The following HTR2C variants were observed in gnomAD, a reference collection of about 807,000 sequenced individuals.
HTR2C encodes the protein 5-hydroxytryptamine receptor 2C, also known as 5-hydroxytryptamine (serotonin) receptor 2C, G protein-coupled.
Under a neutral mutation model 21.0 loss-of-function variants are expected in HTR2C, and 5 were observed. The observed-to-expected ratio is 0.24, with a 90% CI of 0.12 to 0.50. HTR2C has a LOEUF of 0.50. Ranked by LOEUF, HTR2C falls within the 20% of genes least tolerant of loss-of-function variation. HTR2C has a pLI of 0.98. For missense variants in HTR2C, 271 were observed against 371.2 expected, an observed-to-expected ratio of 0.73 and a Z score of 2.22; for synonymous variants, 150 against 145.3, an observed-to-expected ratio of 1.03 and a Z score of -0.23.
At chrX:114,857,729 A>AT (rs1556471475) in intron 5 of HTR2C, among the ~76,000 whole-genome samples, 5 of 110,508 alleles carry the variant, frequency 4.5e-5, no homozygotes, top group African/African-American at 1.6e-4. Context: ...ATGGCCAGTG[A>AT]TTTTTTATCC....
intron 5 of HTR2C, among the ~76,000 whole-genome samples, chrX:114,860,575 C>T (rs782398124): frequency 8.3e-5 from 9 of 108,698 alleles, no homozygotes; most frequent in Non-Finnish European, 1.5e-4. Context: ...GTTTTTAAAC[C>T]ACTTAAACGA....
At position 114,907,604 on chromosome X, in the gene HTR2C, G is replaced by A. The variant is rs200336118; in HGVS notation, c.*189G>A. 16 of 348,026 alleles carry A rather than the reference G, an allele frequency of 4.6e-5. No homozygotes were observed. Among genetic ancestry groups the A allele is most frequent in the Non-Finnish European group, 6.0e-5 (12 of 201,346 alleles). The allele number at this position is 348,026 out of a possible 1,213,427, so 28.7% of individuals were successfully genotyped here. A position where few individuals can be genotyped will look rare whatever the true frequency, so the allele number is the denominator to read the frequency against. ...TGAGATTTAGGGTTCTATATTTACTGTTTATAATAGGTGGAGACTAACTTA... is the reference window on the plus strand; with the variant it reads ...TGAGATTTAGGGTTCTATATTTACTATTTATAATAGGTGGAGACTAACTTA... On this transcript the variant is annotated 3_prime_UTR_variant, in exon 6 of 6. Coordinates refer to ENST00000276198, the MANE Select transcript of HTR2C (RefSeq NM_000868.4).
intron 5 of HTR2C, among the ~76,000 whole-genome samples, chrX:114,888,811 G>C (rs782025827): frequency 8.9e-6 from 1 of 111,948 alleles, no homozygotes; most frequent in South Asian, 3.7e-4. Flanking sequence ...AGTTCTTCAC[G>C]TGGTCATGCC....
chrX:114,839,918 A>G (rs1307041991), intron 4 of HTR2C, among the ~76,000 whole-genome samples: 1 of 110,635 alleles, frequency 9.0e-6, no homozygotes, highest in Admixed American at 9.7e-5. Context: ...AGAAATGATA[A>G]ATGAACTGAA....
intron 4 of HTR2C, among the ~76,000 whole-genome samples, chrX:114,752,549 A>T (rs2147368780): frequency 9.0e-6 from 1 of 111,571 alleles, no homozygotes; most frequent in Non-Finnish European, 1.9e-5. Context: ...GAAGACTATC[A>T]TAAACAAAGA....
intron 3 of HTR2C, among the ~76,000 whole-genome samples, chrX:114,730,985 C>A (rs1338779638): frequency 1.8e-5 from 2 of 111,248 alleles, no homozygotes; most frequent in East Asian, 5.7e-4. Flanking sequence ...TTCTCATCTA[C>A]GTGATGGATA....
At chrX:114,729,147 C>T (rs1362964050) in intron 3 of HTR2C, among the ~76,000 whole-genome samples, 4 of 111,617 alleles carry the variant, frequency 3.6e-5, no homozygotes, top group Non-Finnish European at 5.7e-5. Flanking sequence ...TTTTTGAGTC[C>T]AGTTCTTCAC....
chrX:114,706,126 CA>C (rs1269227356), intron 2 of HTR2C, among the ~76,000 whole-genome samples: 1 of 35,098 alleles, frequency 2.8e-5, no homozygotes, highest in Non-Finnish European at 5.5e-5. Context: ...TAAACTAGTT[CA>C]ACCATTGTGG....
chrX:114,701,841 T>A (rs1420050323), intron 2 of HTR2C, among the ~76,000 whole-genome samples: 3 of 111,466 alleles, frequency 2.7e-5, no homozygotes, highest in Admixed American at 1.9e-4. Context: ...ATAACTAGAA[T>A]AACCAATACA....
At chrX:114,890,803 G>A (rs1352525188) in intron 5 of HTR2C, among the ~76,000 whole-genome samples, 1 of 111,632 alleles carries the variant, frequency 9.0e-6, no homozygotes, top group African/African-American at 3.2e-5. Context: ...AGACTGTGAT[G>A]TTTGTAGGTG....
Position 114,822,095 on chromosome X carries a change from C to T in HTR2C, c.350-25908C>T, listed in dbSNP as rs782145225. Among the ~76,000 whole-genome samples, 3 of 110,866 alleles carry T rather than the reference C, an allele frequency of 2.7e-5. No individual in the cohort carries two copies. The South Asian group carries it at 1.2e-3, about 43-fold the overall frequency. On this transcript the variant is annotated intron_variant, in intron 4 of 5. Coordinates refer to ENST00000276198, the MANE Select transcript of HTR2C (RefSeq NM_000868.4). ...CTCCTGACCTCAGGTGATCCACCCACTTTGGCCTCCTAAAGTGCTGGGATT... is the reference window on the plus strand; with the variant it reads ...CTCCTGACCTCAGGTGATCCACCCATTTTGGCCTCCTAAAGTGCTGGGATT...
intron 4 of HTR2C, among the ~76,000 whole-genome samples, chrX:114,795,315 G>C (rs1337162346): frequency 3.6e-5 from 4 of 110,802 alleles, no homozygotes; most frequent in South Asian, 7.7e-4. Flanking sequence ...TCTGTAGGTT[G>C]CCTGTTCACT....
intron 1 of HTR2C, among the ~76,000 whole-genome samples, chrX:114,607,943 T>C (rs1928538152): frequency 9.0e-6 from 1 of 111,246 alleles, no homozygotes; most frequent in Non-Finnish European, 1.9e-5. Context: ...GCCAAGATGA[T>C]ACCACTGCAC....
chrX:114,835,600 C>G (rs2070773940), intron 4 of HTR2C, among the ~76,000 whole-genome samples: 1 of 111,070 alleles, frequency 9.0e-6, no homozygotes, highest in Non-Finnish European at 1.9e-5. Flanking sequence ...TCTAGTTATA[C>G]ATTCTTCTAA....
chrX:114,845,965 A>G (rs1446405116), intron 4 of HTR2C, among the ~76,000 whole-genome samples: 2 of 110,848 alleles, frequency 1.8e-5, no homozygotes, highest in African/African-American at 6.6e-5. Flanking sequence ...GTGAGCCATT[A>G]TTACACCACT....
At chrX:114,608,093 T>C (rs1343486494) in intron 1 of HTR2C, among the ~76,000 whole-genome samples, 1 of 111,991 alleles carries the variant, frequency 8.9e-6, no homozygotes, top group African/African-American at 3.2e-5. Context: ...AACAATACAG[T>C]CAGTCCCTCT....
chrX:114,687,773 A>AT (rs2147858417), intron 2 of HTR2C, among the ~76,000 whole-genome samples: 1 of 111,778 alleles, frequency 8.9e-6, no homozygotes, highest in African/African-American at 3.2e-5. Context: ...TTAATACACA[A>AT]TTTATTTTGT....
chrX:114,679,090 A>C (rs1931664606), intron 2 of HTR2C, among the ~76,000 whole-genome samples: 1 of 111,684 alleles, frequency 9.0e-6, no homozygotes, highest in East Asian at 2.8e-4. Context: ...TTAAGAGTCT[A>C]AGAGATGATT....
In HTR2C at chrX:114,856,177, A is replaced by G. The variant is rs989173412; in HGVS notation, c.550+7974A>G. Among the ~76,000 whole-genome samples, 5 of 108,970 alleles carry G rather than the reference A, an allele frequency of 4.6e-5. No homozygotes were observed. The East Asian group carries it at 8.7e-4, about 19-fold the overall frequency. The allele number at this position is 108,970 out of a possible 115,157, so 94.6% of individuals were successfully genotyped here. A position where few individuals can be genotyped will look rare whatever the true frequency, so the allele number is the denominator to read the frequency against. ...TCACAAGCATTCTTATACACCAACA[A>G]CACACAAACAGAGAGACAAATCATG... On this transcript the variant is annotated intron_variant, in intron 5 of 5. Coordinates refer to ENST00000276198, the MANE Select transcript of HTR2C (RefSeq NM_000868.4).
Sources: allele counts gnomAD v4.1 joint callset (sites outside exome capture counted in the v4.1 genomes callset), GRCh38; gene constraint gnomAD v4.1.1; transcripts MANE v1.5; gene names NCBI Gene and HGNC (gene_info 2026-07-23, HGNC 2026-07-21).